The following RPS6KA4 variants were observed in gnomAD, a reference collection of about 807,000 sequenced individuals.
RPS6KA4 encodes the protein ribosomal protein S6 kinase alpha-4.
Under a neutral mutation model 89.6 loss-of-function variants are expected in RPS6KA4, and 38 were observed. The observed-to-expected ratio is 0.42, with a 90% CI of 0.33 to 0.56. The LOEUF (loss-of-function observed/expected upper bound fraction) is 0.56. Ranked by LOEUF, RPS6KA4 falls within the 20% of genes least tolerant of loss-of-function variation. The pLI is 0.07. For missense variants in RPS6KA4, 873 were observed against 1,098.8 expected (o/e 0.79, Z 2.90); for synonymous variants, 495 against 492.8 (o/e 1.00, Z -0.06).
At position 64,370,300 on chromosome 11, in the gene RPS6KA4, A is replaced by C; in HGVS notation, c.1873A>C (p.Met625Leu). The change falls in exon 15 of 17, where the codon ATG becomes CTG. Residue 625 changes from methionine (M) to leucine (L), a missense_variant. By Grantham distance (15) the Met-to-Leu change is conservative. Coordinates refer to ENST00000334205, the MANE Select transcript of RPS6KA4 (RefSeq NM_003942.3). The surrounding 1 kb of genome is among the most constrained non-coding windows in gnomAD (Gnocchi z 4.1). ...QGGQSQAAEI[M>L]CKIREGRFSL... Reference sequence around the variant, plus strand: ...CGGGCAGAGCCAGGCGGCCGAGATCATGTGCAAAATCCGCGAGGGGCGCTT... The same window carrying C: ...CGGGCAGAGCCAGGCGGCCGAGATCCTGTGCAAAATCCGCGAGGGGCGCTT... The C allele has an allele frequency of 1.9e-6, 3 of 1,591,714 alleles. No homozygotes were observed. The highest frequency in any genetic ancestry group is 2.6e-6 in the Non-Finnish European group (3 of 1,174,058).
At chr11:64,365,248 G>A in intron 8 of RPS6KA4, 53 bp from the exon 9 acceptor site, 3 of 1,578,702 alleles carry the variant, frequency 1.9e-6, no homozygotes, top group Non-Finnish European at 2.6e-6. Context: ...CTGAGTGGAG[G>A]GAGTTTCTCG....
At chr11:64,362,102 A>T in intron 8 of RPS6KA4, 100 bp downstream of exon 8, 1 of 1,389,170 alleles carries the variant, frequency 7.2e-7, no homozygotes, top group South Asian at 1.3e-5. Flanking sequence ...TTATTTGGAA[A>T]TCCCCCCAGA....
chr11:64,360,101 C>G (rs1043589395), intron 2 of RPS6KA4, 62 bp from the exon 3 acceptor site: 2 of 1,471,222 alleles, frequency 1.4e-6, no homozygotes, highest in Non-Finnish European at 9.1e-7. Flanking sequence ...CGCCCCCACC[C>G]CCCAAGCCTG....
chr11:64,361,331 A>G lies in RPS6KA4; in HGVS notation c.570+90A>G, dbSNP rs2036742430. The G allele has an allele frequency of 6.9e-7, 1 of 1,444,038 alleles. No homozygotes were observed. The highest frequency in any genetic ancestry group is 9.6e-7 in the Non-Finnish European group (1 of 1,037,462). 89.5% of individuals were successfully genotyped at this position (1,444,038 alleles called of 1,614,324 possible). On this transcript the variant is annotated intron_variant, in intron 5 of 16. Coordinates refer to ENST00000334205, the MANE Select transcript of RPS6KA4 (RefSeq NM_003942.3). The surrounding 1 kb of genome is among the most constrained non-coding windows in gnomAD (Gnocchi z 4.7). ...CTCTGGGCCTGCATTCTGGGGCTGCAGAAGTGAATAGCTCCAAGAAGTTTC... is the reference window on the plus strand; with the variant it reads ...CTCTGGGCCTGCATTCTGGGGCTGCGGAAGTGAATAGCTCCAAGAAGTTTC...
Position 64,361,195 on chromosome 11 carries a change from T to C in RPS6KA4, c.524T>C (p.Ile175Thr), listed in dbSNP as rs2135326913. 1 of 1,613,466 alleles carries C rather than the reference T, an allele frequency of 6.2e-7. No individual in the cohort carries two copies. The highest frequency in any genetic ancestry group is 2.2e-5 in the East Asian group (1 of 44,874). The change falls in exon 5 of 17, where the codon ATT becomes ACT. Residue 175 changes from isoleucine (I) to threonine (T), a missense_variant. Physicochemically the swap from Ile to Thr is moderately conservative, Grantham distance 89 (BLOSUM62 -1). This residue lies in a region of RPS6KA4 where 542 missense variants were observed against 736.4 expected (regional missense o/e 0.74). Transcript: ENST00000334205. The surrounding 1 kb of genome is among the most constrained non-coding windows in gnomAD (Gnocchi z 4.7). Reference sequence around the variant, plus strand: ...GTGCTGCTGGACTCCGAGGGCCACATTGTCCTCACGGACTTCGGGCTGAGC... The same window carrying C: ...GTGCTGCTGGACTCCGAGGGCCACACTGTCCTCACGGACTTCGGGCTGAGC... The part of the protein sequence containing the change: ...ENVLLDSEGH[I>T]VLTDFGLSKE...
intron 12 of RPS6KA4, 95 bp from the exon 13 acceptor site, chr11:64,369,351 G>A: frequency 7.5e-7 from 1 of 1,329,230 alleles, no homozygotes; most frequent in Non-Finnish European, 1.0e-6. Flanking sequence ...CTCGAACATT[G>A]GCAGGGCCCG....
At position 64,370,180 on chromosome 11, in the gene RPS6KA4, G is replaced by C. The variant is rs1482180376; in HGVS notation, c.1798-45G>C. On this transcript the variant is annotated intron_variant, in intron 14 of 16. Coordinates refer to ENST00000334205, the MANE Select transcript of RPS6KA4 (RefSeq NM_003942.3). This position sits in a 1 kb window ranked among gnomAD's most constrained non-coding sequence, Gnocchi z 4.1. ...CTGTGGGAGCGGAGGGGTCAGCCTCGGCACCCCAGCCTGGGCCGGCCTCAC... is the reference window on the plus strand; with the variant it reads ...CTGTGGGAGCGGAGGGGTCAGCCTCCGCACCCCAGCCTGGGCCGGCCTCAC... 6.6e-7 allele frequency: 1 copy of C among 1,506,374 alleles called. No individual in the cohort carries two copies. Among genetic ancestry groups the C allele is most frequent in the Non-Finnish European group, 8.8e-7 (1 of 1,131,672 alleles). The allele number at this position is 1,506,374 out of a possible 1,614,324, so 93.3% of individuals were successfully genotyped here.
intron 8 of RPS6KA4, among the ~76,000 whole-genome samples, chr11:64,362,337 G>A (rs1361307132): frequency 2.0e-5 from 3 of 152,190 alleles, no homozygotes; most frequent in Non-Finnish European, 4.4e-5. Context: ...TAGACCTTGG[G>A]TCTAGATAGA....
rs144792776 is a variant in RPS6KA4, at chr11:64,365,401, C to T, written c.1007C>T (p.Thr336Ile). The T allele has an allele frequency of 1.2e-6, 2 of 1,614,116 alleles. No homozygotes were observed. The highest frequency in any genetic ancestry group is 1.3e-5 in the African/African-American group (1 of 75,076). Reference sequence around the variant, plus strand: ...GTGGGCAACTTTGCGGAGGAATTCACTCGGCTGGAGCCTGTCTACTCACCC... The same window carrying T: ...GTGGGCAACTTTGCGGAGGAATTCATTCGGCTGGAGCCTGTCTACTCACCC... ...LDVGNFAEEF[T>I]RLEPVYSPPG... The change falls in exon 9 of 17, where the codon ACT becomes ATT. Residue 336 changes from threonine (T) to isoleucine (I), a missense_variant. Around this residue, in one of 4 missense-constraint regions of RPS6KA4, gnomAD observed 542 missense variants for 736.4 expected, o/e 0.74. Transcript: ENST00000334205.
intron 8 of RPS6KA4, among the ~76,000 whole-genome samples, chr11:64,363,345 G>A (rs146586345): frequency 3.5e-4 from 53 of 152,234 alleles, no homozygotes; most frequent in Non-Finnish European, 6.3e-4. Flanking sequence ...AGCAGTGTTG[G>A]TTTCTTTCAG....
At chr11:64,364,367 G>T (rs1391202653) in intron 8 of RPS6KA4, among the ~76,000 whole-genome samples, 1 of 151,926 alleles carries the variant, frequency 6.6e-6, no homozygotes, top group Non-Finnish European at 1.5e-5. Context: ...GATAAGTTTT[G>T]GTCACCCCTA....
intron 9 of RPS6KA4, among the ~76,000 whole-genome samples, chr11:64,365,694 TC>T (rs78850182): frequency 0.13 from 19,083 of 152,174 alleles, 1,554 homozygotes; most frequent in Non-Finnish European, 0.18. Flanking sequence ...TCTGTTAATT[TC>T]CCTTCTATTC....
chr11:64,370,205 C>T lies in RPS6KA4; in HGVS notation c.1798-20C>T. 3 of 1,519,802 alleles carry T rather than the reference C, an allele frequency of 2.0e-6. No homozygotes were observed. Among genetic ancestry groups the T allele is most frequent in the Non-Finnish European group, 2.6e-6 (3 of 1,138,278 alleles). 94.1% of individuals were successfully genotyped at this position (1,519,802 alleles called of 1,614,324 possible). Reference sequence around the variant, plus strand: ...GGCACCCCAGCCTGGGCCGGCCTCACCTTCCCCTCACCCTCCTAGTACATG... The same window carrying T: ...GGCACCCCAGCCTGGGCCGGCCTCATCTTCCCCTCACCCTCCTAGTACATG... On this transcript the variant is annotated intron_variant, in intron 14 of 16. Transcript: ENST00000334205. The surrounding 1 kb of genome is among the most constrained non-coding windows in gnomAD (Gnocchi z 4.1).
chr11:64,370,776 G>T lies in RPS6KA4; in HGVS notation c.2121+50G>T, dbSNP rs752290399. 2.7e-6 allele frequency: 4 copies of T among 1,472,560 alleles called. No individual in the cohort carries two copies. The African/African-American group carries it at 4.2e-5, about 15-fold the overall frequency. 91.2% of individuals were successfully genotyped at this position (1,472,560 alleles called of 1,614,324 possible). Reference sequence around the variant, plus strand: ...GAAGGGGTGGGCGAAGCCTCGAGAGGTGGGGTCTGGGGAGGCCCGGCCATC... The same window carrying T: ...GAAGGGGTGGGCGAAGCCTCGAGAGTTGGGGTCTGGGGAGGCCCGGCCATC... On this transcript the variant is annotated intron_variant, in intron 16 of 16. Coordinates refer to ENST00000334205, the MANE Select transcript of RPS6KA4 (RefSeq NM_003942.3). The surrounding 1 kb of genome is among the most constrained non-coding windows in gnomAD (Gnocchi z 4.1).
intron 4 of RPS6KA4, 200 bp from the exon 5 acceptor site, chr11:64,360,933 TG>T (rs2036728542): frequency 3.5e-6 from 2 of 579,600 alleles, no homozygotes; most frequent in Admixed American, 6.2e-5. Flanking sequence ...TCTGGGACCT[TG>T]GGGCCTGATC....
At position 64,361,986 on chromosome 11, in the gene RPS6KA4, A is replaced by G; in HGVS notation, c.890A>G (p.Asn297Ser). The G allele has an allele frequency of 6.2e-7, 1 of 1,609,412 alleles. No homozygotes were observed. Among genetic ancestry groups the G allele is most frequent in the East Asian group, 2.2e-5 (1 of 44,598 alleles). Residue 297 changes from asparagine (N) to serine (S), a missense_variant, in exon 8 of 17, where the codon AAC (asparagine) becomes AGC (serine). Around this residue, in one of 4 missense-constraint regions of RPS6KA4, gnomAD observed 542 missense variants for 736.4 expected, o/e 0.74. Coordinates refer to ENST00000334205, the MANE Select transcript of RPS6KA4 (RefSeq NM_003942.3). This position sits in a 1 kb window ranked among gnomAD's most constrained non-coding sequence, Gnocchi z 4.7. ...CCCCAGGGGGCACAAGAAGTCCGGA[A>G]CCATCCCTTCTTCCAGGTGAGGCTG... The part of the protein sequence containing the change: ...AGPQGAQEVR[N>S]HPFFQGLDWV...
At chr11:64,359,889 A>C (rs903823911) in intron 2 of RPS6KA4, 1 of 565,294 alleles carries the variant, frequency 1.8e-6, no homozygotes, top group Non-Finnish European at 3.1e-6. Context: ...GCAGGTTTGC[A>C]TATGCCCCGC....
intron 9 of RPS6KA4, among the ~76,000 whole-genome samples, chr11:64,366,433 T>G (rs1044221291): frequency 6.6e-6 from 1 of 152,156 alleles, no homozygotes; most frequent in African/African-American, 2.4e-5. Context: ...CCTCCCAAAG[T>G]GCTGGGATTA....
At position 64,361,314 on chromosome 11, in the gene RPS6KA4, C is replaced by T; in HGVS notation, c.570+73C>T. On this transcript the variant is annotated intron_variant, in intron 5 of 16. Transcript: ENST00000334205. This position sits in a 1 kb window ranked among gnomAD's most constrained non-coding sequence, Gnocchi z 4.7. ...CTTCCTGCCTCTTCCTGCTCTGGGC[C>T]TGCATTCTGGGGCTGCAGAAGTGAA... 6.7e-7 allele frequency: 1 copy of T among 1,491,536 alleles called. No homozygotes were observed. The allele number at this position is 1,491,536 out of a possible 1,614,324, so 92.4% of individuals were successfully genotyped here.
Sources: allele counts gnomAD v4.1 joint callset (sites outside exome capture counted in the v4.1 genomes callset), GRCh38; gene constraint gnomAD v4.1.1; regional missense constraint gnomAD v4.1.1; non-coding constraint Gnocchi (gnomAD v3.1); transcripts MANE v1.5; gene names NCBI Gene and HGNC (gene_info 2026-07-23, HGNC 2026-07-21).